The following BRCA1 variants were observed in gnomAD, a reference collection of about 807,000 sequenced individuals.
BRCA1 encodes the protein breast cancer type 1 susceptibility protein.
A neutral mutation model predicts 173.7 loss-of-function variants in BRCA1; 140 were observed. The observed-to-expected ratio is 0.81, with a 90% CI of 0.70 to 0.93. The LOEUF (loss-of-function observed/expected upper bound fraction) is 0.93, where lower values mean the gene tolerates loss of function less well. Ranked by LOEUF, BRCA1 falls within the 40% of genes least tolerant of loss-of-function variation. The pLI, the probability that BRCA1 is intolerant of heterozygous loss-of-function variation, is 0.00. For missense variants in BRCA1, 1,983 were observed against 2,172.5 expected (o/e 0.91, Z 1.73); for synonymous variants, 662 against 756.0 (o/e 0.88, Z 2.04).
At chr17:43,125,197 G>A (rs894166357) in intron 1 of BRCA1, 74 bp downstream of exon 1, 7 of 451,920 alleles carry the variant, frequency 1.5e-5, no homozygotes, top group Non-Finnish European at 2.2e-5. Context: ...TGTCAGCTTC[G>A]GAAATCCACT....
At chr17:43,099,990 G>C (rs2154530586) in intron 6 of BRCA1, 110 bp from the exon 7 acceptor site, 4 of 875,558 alleles carry the variant, frequency 4.6e-6, no homozygotes, top group Non-Finnish European at 7.7e-6. Flanking sequence ...TCATCAGTCA[G>C]CTAACATGTA....
chr17:43,094,567 C>T lies in BRCA1; in HGVS notation c.964G>A (p.Ala322Thr), dbSNP rs80357252. The change falls in exon 10 of 23, where the codon GCT becomes ACT. Residue 322 changes from alanine to threonine, a missense_variant. Physicochemically the swap from Ala to Thr is moderately conservative, Grantham distance 58. Coordinates refer to ENST00000357654, the MANE Select transcript of BRCA1 (RefSeq NM_007294.4). ...TCATTACATGTTTCCTTACTTCCAG[C>T]CCATCTGTTATGTTGGCTCCTTGCT... ...GLARSQHNRW[A>T]GSKETCNDRR... is the part of the protein sequence containing the mutation. 7.4e-6 allele frequency: 12 copies of T among 1,614,162 alleles called. No homozygotes were observed. Among genetic ancestry groups the T allele is most frequent in the Non-Finnish European group, 1.0e-5 (12 of 1,180,022 alleles).
chr17:43,169,490 T>C (rs915686978), intron 1 of BRCA1, among the ~76,000 whole-genome samples: 11 of 152,182 alleles, frequency 7.2e-5, no homozygotes, highest in African/African-American at 2.7e-4. Context: ...CTTATACACA[T>C]GGTGTCCCCT....
At chr17:43,046,656 G>A (rs2050929454) in intron 22 of BRCA1, among the ~76,000 whole-genome samples, 1 of 151,400 alleles carries the variant, frequency 6.6e-6, no homozygotes, top group South Asian at 2.1e-4. Flanking sequence ...CCCTGAGGCT[G>A]AGGCAGGAGA....
intron 3 of BRCA1, among the ~76,000 whole-genome samples, chr17:43,111,008 G>A (rs1183015281): frequency 2.6e-5 from 4 of 151,720 alleles, no homozygotes; most frequent in African/African-American, 7.3e-5. Context: ...GGCTGAGGCA[G>A]GAGAATCACT....
chr17:43,074,649 G>A (rs999894528), intron 13 of BRCA1, 128 bp from the exon 14 acceptor site: 1 of 832,544 alleles, frequency 1.2e-6, no homozygotes, highest in Non-Finnish European at 2.0e-6. Context: ...TGGCAAAAAA[G>A]AGCCCGCAAG....
chr17:43,105,534 C>T (rs899492335), intron 4 of BRCA1, among the ~76,000 whole-genome samples: 2 of 152,164 alleles, frequency 1.3e-5, no homozygotes, highest in Non-Finnish European at 2.9e-5. Flanking sequence ...AGCAATCACA[C>T]CCTGCTGAGC....
At chr17:43,084,967 C>A (rs1301888689) in intron 11 of BRCA1, among the ~76,000 whole-genome samples, 1 of 152,150 alleles carries the variant, frequency 6.6e-6, no homozygotes, top group Non-Finnish European at 1.5e-5. Flanking sequence ...AGATAACTTT[C>A]CTTTGGGTTT....
chr17:43,108,790 C>T (rs1380078085), intron 3 of BRCA1, among the ~76,000 whole-genome samples: 1 of 144,810 alleles, frequency 6.9e-6, no homozygotes, highest in Non-Finnish European at 1.5e-5. Context: ...GTCAGGAGTT[C>T]AAGACCAGCC....
intron 18 of BRCA1, among the ~76,000 whole-genome samples, chr17:43,060,051 A>C (rs1445107593): frequency 2.0e-5 from 3 of 152,018 alleles, no homozygotes; most frequent in African/African-American, 7.2e-5. Flanking sequence ...GATTACAGGC[A>C]CATGCCACCA....
chr17:43,085,190 T>C (rs1166049482), intron 11 of BRCA1, among the ~76,000 whole-genome samples: 2 of 152,162 alleles, frequency 1.3e-5, no homozygotes, highest in African/African-American at 4.8e-5. Context: ...CTAAAAGCCT[T>C]GTTTATCATG....
At chr17:43,065,759 G>A (rs1597823013) in intron 16 of BRCA1, among the ~76,000 whole-genome samples, 1 of 152,186 alleles carries the variant, frequency 6.6e-6, no homozygotes, top group Non-Finnish European at 1.5e-5. Context: ...TTAGAGTTGA[G>A]CCACACAATC....
chr17:43,096,009 CT>C (rs2054121845), intron 8 of BRCA1, 87 bp from the exon 9 acceptor site: 1 of 1,095,796 alleles, frequency 9.1e-7, no homozygotes, highest in Non-Finnish European at 1.4e-6. Flanking sequence ...CATTTTAGCT[CT>C]TTCGATTACA....
intron 11 of BRCA1, among the ~76,000 whole-genome samples, chr17:43,086,109 TACACACACACACACACACACAC>T (rs376686434): frequency 1.5e-5 from 2 of 137,360 alleles, no homozygotes; most frequent in Admixed American, 1.5e-4. Context: ...ATCACATACA[TACACACACACACACACACACAC>T]ACACACACAC....
chr17:43,064,021 T>A, intron 16 of BRCA1, 70 bp from the exon 17 acceptor site: 1 of 1,372,422 alleles, frequency 7.3e-7, no homozygotes, highest in Non-Finnish European at 1.0e-6. Context: ...CCTAAGAAGC[T>A]AAAGAGCCTC....
At chr17:43,168,548 A>G (rs2056284602) in intron 1 of BRCA1, among the ~76,000 whole-genome samples, 1 of 152,226 alleles carries the variant, frequency 6.6e-6, no homozygotes, top group South Asian at 2.1e-4. Flanking sequence ...CTGAGGCAGG[A>G]GAATCGCTTG....
rs763074389 is a variant in BRCA1, at chr17:43,090,920, T to G, written c.4185+24A>C. On this transcript the variant is annotated intron_variant, in intron 11 of 22. Transcript: ENST00000357654. ...GCAAAGGACACCACACACACGCATG[T>G]GCACACACACACACGCTTTTTACCT... 21 of 1,587,706 alleles carry G rather than the reference T, an allele frequency of 1.3e-5. No homozygotes were observed. Among genetic ancestry groups the G allele is most frequent in the Non-Finnish European group, 1.5e-5 (18 of 1,162,376 alleles).
At chr17:43,052,764 CAGACAGACGGACA>C (rs2051295610) in intron 19 of BRCA1, among the ~76,000 whole-genome samples, 3 of 145,540 alleles carry the variant, frequency 2.1e-5, no homozygotes, top group Non-Finnish European at 4.5e-5. Flanking sequence ...TCCCCCTTGA[CAGACAGACGGACA>C]GAAACACACA....
intron 1 of BRCA1, among the ~76,000 whole-genome samples, chr17:43,142,914 T>TTGTG (rs369108034): frequency 3.8e-4 from 53 of 140,770 alleles, no homozygotes; most frequent in Non-Finnish European, 5.1e-4. Context: ...CGGCTAATTT[T>TTGTG]TGTGTGTGTG....
Sources: allele counts gnomAD v4.1 joint callset (sites outside exome capture counted in the v4.1 genomes callset), GRCh38; gene constraint gnomAD v4.1.1; transcripts MANE v1.5; gene names NCBI Gene and HGNC (gene_info 2026-07-23, HGNC 2026-07-21).